The following GMEB2 variants were observed in gnomAD, a reference collection of about 807,000 sequenced individuals.
GMEB2 encodes the protein glucocorticoid modulatory element binding protein 2.
In GMEB2, 7 loss-of-function variants were observed where a neutral mutation model predicts 45.7. The observed-to-expected ratio is 0.15, with a 90% confidence interval of 0.09 to 0.29. The LOEUF (loss-of-function observed/expected upper bound fraction) is 0.29. GMEB2 is among the 10% of genes least tolerant of loss of function. GMEB2 has a pLI of 1.00. For synonymous variants in GMEB2, 322 were observed against 323.6 expected, an observed-to-expected ratio of 1.00 and a Z score of 0.05; for missense variants, 582 against 739.2, an observed-to-expected ratio of 0.79 and a Z score of 2.47.
At chr20:63,599,731 T>C (rs959209296) in intron 4 of GMEB2, among the ~76,000 whole-genome samples, 1 of 152,202 alleles carries the variant, frequency 6.6e-6, no homozygotes, top group Non-Finnish European at 1.5e-5. Context: ...CTAATTCTAA[T>C]ACAATTTCAA....
chr20:63,592,574 C>A lies in GMEB2; in HGVS notation c.788G>T (p.Gly263Val). Residue 263 changes from glycine to valine, a missense_variant, in exon 8 of 10, where the codon GGC (glycine) becomes GTC (valine). Physicochemically the swap from Gly to Val is moderately radical, Grantham distance 109 (BLOSUM62 -3). This residue lies in a region of GMEB2 where 462 missense variants were observed against 586.7 expected (regional missense o/e 0.79). Coordinates refer to ENST00000370077, the MANE Select transcript of GMEB2 (RefSeq NM_012384.5). The surrounding 1 kb of genome is among the most constrained non-coding windows in gnomAD (Gnocchi z 8.2). Reference protein sequence around the residue: ...FHQELVETMRGLQQRVQDPPL... With the variant: ...FHQELVETMRVLQQRVQDPPL... ...AGGGTCCTGGACCCGCTGCTGCAGG[C>A]CTCTCATGGTCTCCACCAGCTCCTG... 6.2e-7 allele frequency: 1 copy of A among 1,612,270 alleles called. No individual in the cohort carries two copies. The highest frequency in any genetic ancestry group is 8.5e-7 in the Non-Finnish European group (1 of 1,178,510).
At chr20:63,591,586 C>T (rs772874514) in intron 9 of GMEB2, among the ~76,000 whole-genome samples, 22 of 152,188 alleles carry the variant, frequency 1.4e-4, no homozygotes, top group Non-Finnish European at 7.3e-5. Flanking sequence ...CTGCCAGCCT[C>T]CCGAGTAGCT....
chr20:63,615,167 C>T (rs1422475481), intron 2 of GMEB2, among the ~76,000 whole-genome samples: 1 of 152,148 alleles, frequency 6.6e-6, no homozygotes, highest in Non-Finnish European at 1.5e-5. Context: ...CCCAGCAAGG[C>T]ACCTGCAGGA....
At position 63,590,447 on chromosome 20, in the gene GMEB2, T is replaced by C. The variant is rs1244315351; in HGVS notation, c.1235A>G (p.Lys412Arg). 10 of 1,535,736 alleles carry C rather than the reference T, an allele frequency of 6.5e-6. No homozygotes were observed. Among genetic ancestry groups the C allele is most frequent in the Non-Finnish European group, 8.8e-7 (1 of 1,135,824 alleles). Residue 412 changes from lysine (K) to arginine (R), a missense_variant, in exon 10 of 10, where the codon AAG (lysine) becomes AGG (arginine). Coordinates refer to ENST00000370077, the MANE Select transcript of GMEB2 (RefSeq NM_012384.5). ...GGCGGGGGGCGCCTGAAGGGAACCC[T>C]TGCCCAGGACGGTGGACGGCAGGGT... The part of the protein sequence containing the change: ...VSTLPSTVLG[K>R]GSLQAPPASS...
chr20:63,598,735 C>A (rs778711311), intron 4 of GMEB2, among the ~76,000 whole-genome samples: 2 of 152,160 alleles, frequency 1.3e-5, no homozygotes, highest in African/African-American at 4.8e-5. Context: ...CTCCCTCATG[C>A]GGCTGATCAG....
chr20:63,614,007 T>G (rs2089589546), intron 2 of GMEB2, among the ~76,000 whole-genome samples: 2 of 151,982 alleles, frequency 1.3e-5, no homozygotes, highest in Non-Finnish European at 2.9e-5. Context: ...CCCCCTAGGA[T>G]GTGAAGGCCG....
At chr20:63,594,873 T>C (rs925098761) in intron 6 of GMEB2, among the ~76,000 whole-genome samples, 1 of 152,122 alleles carries the variant, frequency 6.6e-6, no homozygotes, top group Non-Finnish European at 1.5e-5. Context: ...CTCAGCCTCC[T>C]GAGTAGCTGG....
At chr20:63,596,619 A>G (rs781559989) in intron 5 of GMEB2, among the ~76,000 whole-genome samples, 8 of 152,190 alleles carry the variant, frequency 5.3e-5, no homozygotes, top group Non-Finnish European at 1.2e-4. Context: ...AGGGCTAGTC[A>G]CTCGTGAGGT....
chr20:63,590,871 C>A, intron 9 of GMEB2, 142 bp from the exon 10 acceptor site: 1 of 487,202 alleles, frequency 2.1e-6, no homozygotes. Context: ...TGCCACAAAC[C>A]CAGATGACCA....
At position 63,621,463 on chromosome 20, in the gene GMEB2, C is replaced by T. The variant is rs530515305; in HGVS notation, c.-57-2009G>A. ...GGCGGATCGCCTGAGGTCAGGAGTT[C>T]GAGACCATCCTGGCCAACACAGTGA... On this transcript the variant is annotated intron_variant, in intron 1 of 9. Transcript: ENST00000370077. Among the ~76,000 whole-genome samples the T allele has an allele frequency of 5.3e-5, 8 of 152,124 alleles. 1 individual carries two copies. The South Asian group carries it at 1.0e-3, about 20-fold the overall frequency.
intron 2 of GMEB2, among the ~76,000 whole-genome samples, chr20:63,605,701 TC>T (rs1490946385): frequency 6.6e-6 from 1 of 151,504 alleles, no homozygotes; most frequent in Non-Finnish European, 1.5e-5. Flanking sequence ...ACGCCTGTAA[TC>T]CCAGTACTTT....
intron 1 of GMEB2, among the ~76,000 whole-genome samples, chr20:63,623,415 G>A (rs1024974316): frequency 2.6e-5 from 4 of 152,142 alleles, no homozygotes; most frequent in Admixed American, 6.5e-5. Flanking sequence ...GAATTACTTC[G>A]TATTTCTCAA....
At position 63,595,771 on chromosome 20, in the gene GMEB2, T is replaced by A. The variant is rs1417832492; in HGVS notation, c.462-4A>T. Reference sequence around the variant, plus strand: ...TTCCCCGGAGTCCATGATCTTCCTGTGACAGACAGTGGCATGGAGCGTCCA... The same window carrying A: ...TTCCCCGGAGTCCATGATCTTCCTGAGACAGACAGTGGCATGGAGCGTCCA... On this transcript the variant is annotated splice_region_variant and splice_polypyrimidine_tract_variant and intron_variant, in intron 5 of 9. Coordinates refer to ENST00000370077, the MANE Select transcript of GMEB2 (RefSeq NM_012384.5). 6.2e-7 allele frequency: 1 copy of A among 1,613,812 alleles called. No individual in the cohort carries two copies.
At chr20:63,602,881 T>C in intron 4 of GMEB2, 84 bp downstream of exon 4, 3 of 1,248,022 alleles carry the variant, frequency 2.4e-6, no homozygotes, top group Non-Finnish European at 3.4e-6. Flanking sequence ...TGCCTCAGGA[T>C]GCACTCAGCA....
chr20:63,611,151 A>G (rs1219731402), intron 2 of GMEB2, among the ~76,000 whole-genome samples: 1 of 152,280 alleles, frequency 6.6e-6, no homozygotes, highest in Non-Finnish European at 1.5e-5. Flanking sequence ...GCCAGAAACA[A>G]GCACTGCTGT....
intron 2 of GMEB2, among the ~76,000 whole-genome samples, chr20:63,606,379 G>T (rs13040623): frequency 7.2e-6 from 1 of 139,578 alleles, no homozygotes; most frequent in African/African-American, 2.7e-5. Context: ...ACGGAGTCTC[G>T]CTCTGTCGCT....
intron 6 of GMEB2, among the ~76,000 whole-genome samples, chr20:63,594,193 A>G (rs1478924725): frequency 1.3e-5 from 2 of 152,230 alleles, no homozygotes; most frequent in Non-Finnish European, 2.9e-5. Flanking sequence ...TCTTTTACTA[A>G]CTGCACAGTA....
chr20:63,620,661 G>C (rs1280271842), intron 1 of GMEB2, among the ~76,000 whole-genome samples: 1 of 152,182 alleles, frequency 6.6e-6, no homozygotes, highest in East Asian at 1.9e-4. Flanking sequence ...CAGTGCACTG[G>C]AAAGTCTCTA....
intron 1 of GMEB2, among the ~76,000 whole-genome samples, chr20:63,623,250 C>G (rs1305124149): frequency 6.6e-6 from 1 of 152,152 alleles, no homozygotes; most frequent in Non-Finnish European, 1.5e-5. Context: ...TGGTGGCCAT[C>G]TAGGACAGAG....
Sources: gnomAD v4.1 joint callset for allele counts (sites outside exome capture counted in the v4.1 genomes callset) on GRCh38, gnomAD v4.1.1 for gene constraint, gnomAD v4.1.1 regional missense constraint, Gnocchi (gnomAD v3.1) non-coding constraint, MANE v1.5 for transcripts, NCBI Gene and HGNC (gene_info 2026-07-23, HGNC 2026-07-21) for gene names.